The following SPIC variants were observed in gnomAD, a reference collection of about 807,000 sequenced individuals.
SPIC encodes the protein Spi-C transcription factor.
In SPIC, 9 loss-of-function variants were observed where a neutral mutation model predicts 16.7. That is an observed-to-expected ratio of 0.54 (90% CI 0.33 to 0.94). The LOEUF is 0.94. Ranked by LOEUF, SPIC falls within the 40% of genes least tolerant of loss-of-function variation. The pLI is 0.03. For missense variants in SPIC, 241 were observed against 285.8 expected (o/e 0.84, Z 1.13); for synonymous variants, 97 against 102.9 (o/e 0.94, Z 0.35).
At chr12:101,484,533 C>T (rs1873305188) in intron 5 of SPIC, among the ~76,000 whole-genome samples, 1 of 150,418 alleles carries the variant, frequency 6.6e-6, no homozygotes, top group Non-Finnish European at 1.5e-5. Flanking sequence ...GAGACTCCAA[C>T]TCAAAAAATA....
Position 101,486,620 on chromosome 12 carries a change from A to C in SPIC, c.596A>C (p.Gln199Pro), listed in dbSNP as rs1374760384. The stretch of plus-strand genomic sequence containing the variant: ...TACCAGTTCAGTGAGGCCATTCTCC[A>C]AAGACTCTCTCCATCCTATTTCCTG... ...LTYQFSEAIL[Q>P]RLSPSYFLGK... is the part of the protein sequence containing the mutation. The change falls in exon 6 of 6, where the codon CAA becomes CCA. Residue 199 changes from glutamine to proline, a missense_variant. Transcript: ENST00000551346. 2.5e-6 allele frequency: 4 copies of C among 1,613,922 alleles called. No individual in the cohort carries two copies. The highest frequency in any genetic ancestry group is 3.4e-6 in the Non-Finnish European group (4 of 1,179,924).
chr12:101,485,977 T>C lies in SPIC; in HGVS notation c.320-367T>C, dbSNP rs549455295. Among the ~76,000 whole-genome samples the C allele has an allele frequency of 2.0e-5, 3 of 152,334 alleles. No homozygotes were observed. In the South Asian group the frequency reaches 6.2e-4, roughly 32 times the overall value. On this transcript the variant is annotated intron_variant, in intron 5 of 5. Coordinates refer to ENST00000551346, the MANE Select transcript of SPIC (RefSeq NM_152323.3). ...TGCCACCCTGCCTGGCTAATTTTTG[T>C]ATTTTTAGTAGAGACGGGATTTCAC...
At chr12:101,476,978 T>C (rs1021700448) in intron 2 of SPIC, 71 bp downstream of exon 2, 5 of 977,744 alleles carry the variant, frequency 5.1e-6, no homozygotes, top group Non-Finnish European at 7.1e-6. Context: ...ATTAAAAAAC[T>C]TTTTTCTTTA....
At chr12:101,477,336 A>G (rs548186530) in intron 2 of SPIC, among the ~76,000 whole-genome samples, 1 of 152,312 alleles carries the variant, frequency 6.6e-6, no homozygotes, top group South Asian at 2.1e-4. Context: ...GACGGTCACA[A>G]CTGTGAAGGT....
rs554489172 is a variant in SPIC, at chr12:101,482,833, A to G, written c.252A>G (p.Gln84=). ...ADFYFEGNIH[Q]SLQNITENQL... is the part of the protein sequence containing the mutation. ...TCTATTTTGAAGGAAATATTCATCA[A>G]TCTCTGCAGAACATAACTGAAAACC... Residue 84 remains glutamine (Q), a synonymous_variant, in exon 5 of 6, where the codon CAA becomes CAG. Transcript: ENST00000551346. 4.3e-6 allele frequency: 7 copies of G among 1,613,986 alleles called. No individual in the cohort carries two copies. The African/African-American group carries it at 5.3e-5, about 12-fold the overall frequency.
chr12:101,478,495 T>C, intron 3 of SPIC, among the ~76,000 whole-genome samples: 1 of 152,018 alleles, frequency 6.6e-6, no homozygotes, highest in Non-Finnish European at 1.5e-5. Flanking sequence ...TGTCCAGGAG[T>C]ATCTAGCCTA....
At chr12:101,483,088 T>TTTG (rs1337930837) in intron 5 of SPIC, among the ~76,000 whole-genome samples, 188 bp downstream of exon 5, 4 of 145,324 alleles carry the variant, frequency 2.8e-5, no homozygotes, top group Admixed American at 6.9e-5. Context: ...CTTCCTGTGT[T>TTTG]TTTTTTTTTT....
chr12:101,476,151 A>G (rs1872951071), intron 1 of SPIC, among the ~76,000 whole-genome samples: 1 of 152,304 alleles, frequency 6.6e-6, no homozygotes, highest in East Asian at 1.9e-4. Flanking sequence ...TCTTTTTATT[A>G]TGTGGGTTGG....
chr12:101,477,578 G>T lies in SPIC; in HGVS notation c.24G>T (p.Lys8Asn). The T allele has an allele frequency of 6.2e-7, 1 of 1,614,090 alleles. No homozygotes were observed. The highest frequency in any genetic ancestry group is 1.1e-5 in the South Asian group (1 of 91,080). MTCVEQD[K>N]LGQAFEDAFE... ...AACAGACGTGTGTTGAACAAGACAA[G>T]CTGGGTCAAGCATTTGAAGATGCTT... Residue 8 changes from lysine (K) to asparagine (N), a missense_variant, in exon 3 of 6, where the codon AAG (lysine) becomes AAT (asparagine). Transcript: ENST00000551346.
At chr12:101,479,290 AAG>A (rs1166942060) in intron 3 of SPIC, among the ~76,000 whole-genome samples, 1 of 44,994 alleles carries the variant, frequency 2.2e-5, no homozygotes, top group East Asian at 3.2e-4. Context: ...AAGAAAAAGA[AAG>A]AAAGAAAGAA....
intron 5 of SPIC, among the ~76,000 whole-genome samples, chr12:101,484,477 A>G (rs1336640794): frequency 2.6e-5 from 4 of 152,064 alleles, no homozygotes; most frequent in South Asian, 2.1e-4. Context: ...TGGAGGTTGC[A>G]GTGAGCCAAG....
At chr12:101,481,893 T>TCCGC (rs1873210868) in intron 4 of SPIC, among the ~76,000 whole-genome samples, 2 of 142,868 alleles carry the variant, frequency 1.4e-5, no homozygotes, top group Admixed American at 6.9e-5. Context: ...CTTCAGGCGA[T>TCCGC]CCGCCCGCCT....
chr12:101,482,673 A>T, intron 4 of SPIC, 119 bp from the exon 5 acceptor site: 1 of 889,058 alleles, frequency 1.1e-6, no homozygotes, highest in Non-Finnish European at 1.8e-6. Context: ...AGTTGGGGGT[A>T]ATTCCTTTTG....
At chr12:101,482,232 CA>C (rs563196977) in intron 4 of SPIC, among the ~76,000 whole-genome samples, 16,847 of 131,170 alleles carry the variant, frequency 0.13, 1,245 homozygotes, top group East Asian at 0.36. Context: ...AACTCTGTCT[CA>C]AAAAAAAAAA....
chr12:101,478,033 C>CTT (rs71091502), intron 3 of SPIC, among the ~76,000 whole-genome samples: 37 of 137,700 alleles, frequency 2.7e-4, no homozygotes, highest in Admixed American at 2.9e-4. Flanking sequence ...TTTCTTTTTT[C>CTT]TTTTTTTTTT....
At chr12:101,479,172 A>AAAAG (rs199501054) in intron 3 of SPIC, among the ~76,000 whole-genome samples, 7,519 of 82,746 alleles carry the variant, frequency 0.091, 491 homozygotes, top group African/African-American at 0.1. Flanking sequence ...GAAAGAAAGA[A>AAAAG]AAAGAAAGAA....
At position 101,475,453 on chromosome 12, in the gene SPIC, C is replaced by T. The variant is rs891262255; in HGVS notation, c.-127C>T. ...CATGATAGCCTACCGTTGAATTTAC[C>T]GTTCTGATATTAATGAAACATCTCT... On this transcript the variant is annotated 5_prime_UTR_variant, in exon 1 of 6. Transcript: ENST00000551346. 5.4e-4 allele frequency: 82 copies of T among 151,870 alleles called. 1 individual carries two copies. The highest frequency in any genetic ancestry group is 1.9e-3 in the African/African-American group (79 of 41,402). The allele number at this position is 151,870 out of a possible 1,614,324, so 9.4% of individuals were successfully genotyped here.
Position 101,486,819 on chromosome 12 carries a change from G to A in SPIC, c.*48G>A. On this transcript the variant is annotated 3_prime_UTR_variant, in exon 6 of 6. Transcript: ENST00000551346. ...TTACTGGCATCGGAAATCTCTACAA[G>A]TTTTAATGATTTCTCCCTCCCTCTC... 7.1e-7 allele frequency: 1 copy of A among 1,412,058 alleles called. No homozygotes were observed. The highest frequency in any genetic ancestry group is 9.4e-7 in the Non-Finnish European group (1 of 1,059,296). The allele number at this position is 1,412,058 out of a possible 1,614,324, so 87.5% of individuals were successfully genotyped here.
At chr12:101,483,851 A>G (rs1436027593) in intron 5 of SPIC, among the ~76,000 whole-genome samples, 1 of 152,022 alleles carries the variant, frequency 6.6e-6, no homozygotes, top group Admixed American at 6.6e-5. Context: ...AGTCTTCCAA[A>G]GTGCTGGGAT....
Sources: allele counts gnomAD v4.1 joint callset (sites outside exome capture counted in the v4.1 genomes callset), GRCh38; gene constraint gnomAD v4.1.1; transcripts MANE v1.5; gene names NCBI Gene and HGNC (gene_info 2026-07-23, HGNC 2026-07-21).